Variants in KCNH8 observed in about 807,000 individuals in gnomAD.
KCNH8 encodes the protein voltage-gated delayed rectifier potassium channel KCNH8.
Under a neutral mutation model 103.6 loss-of-function variants are expected in KCNH8, and 70 were observed. The observed-to-expected ratio is 0.68, with a 90% CI of 0.56 to 0.82. The LOEUF is 0.82. KCNH8 is among the 40% of genes least tolerant of loss of function. The pLI, the probability that KCNH8 is intolerant of heterozygous loss-of-function variation, is 0.00. For synonymous variants in KCNH8, 498 were observed against 489.4 expected (o/e 1.02, Z -0.23); for missense variants, 1,217 against 1,329.9 (o/e 0.92, Z 1.32).
At chr3:19,527,792 A>C (rs889667885) in intron 15 of KCNH8, among the ~76,000 whole-genome samples, 1 of 152,072 alleles carries the variant, frequency 6.6e-6, no homozygotes, top group African/African-American at 2.4e-5. Flanking sequence ...GTTTAACAAG[A>C]GCAAATGCGT....
At chr3:19,478,324 G>A (rs2068018739) in intron 11 of KCNH8, among the ~76,000 whole-genome samples, 1 of 151,690 alleles carries the variant, frequency 6.6e-6, no homozygotes, top group Non-Finnish European at 1.5e-5. Context: ...TGGATTGAAT[G>A]GTGGTACTAT....
At chr3:19,368,316 G>A (rs2066041230) in intron 5 of KCNH8, among the ~76,000 whole-genome samples, 1 of 152,050 alleles carries the variant, frequency 6.6e-6, no homozygotes, top group African/African-American at 2.4e-5. Flanking sequence ...AAGTTGTGTA[G>A]TATAATTCCA....
chr3:19,223,987 G>A (rs571429790), intron 1 of KCNH8, among the ~76,000 whole-genome samples: 1 of 152,178 alleles, frequency 6.6e-6, no homozygotes, highest in South Asian at 2.1e-4. Context: ...TATGTACAGA[G>A]GAATAAATAC....
At chr3:19,291,361 G>A (rs2064922718) in intron 3 of KCNH8, among the ~76,000 whole-genome samples, 1 of 152,054 alleles carries the variant, frequency 6.6e-6, no homozygotes, top group African/African-American at 2.4e-5. Context: ...GATCTTTCCT[G>A]CTTTCTCTTG....
intron 6 of KCNH8, 128 bp downstream of exon 6, chr3:19,390,766 G>T: frequency 1.2e-6 from 1 of 826,850 alleles, no homozygotes; most frequent in Non-Finnish European, 1.8e-6. Context: ...ATGCCCTGAT[G>T]CCCAGTGATA....
intron 8 of KCNH8, among the ~76,000 whole-genome samples, chr3:19,444,213 G>A (rs2125177514): frequency 6.6e-6 from 1 of 151,950 alleles, no homozygotes; most frequent in South Asian, 2.1e-4. Flanking sequence ...AAATAGAAGA[G>A]AGTTCAGAAA....
intron 11 of KCNH8, among the ~76,000 whole-genome samples, chr3:19,491,160 T>TACTC (rs1345386789): frequency 4.6e-5 from 7 of 152,146 alleles, no homozygotes; most frequent in Non-Finnish European, 1.0e-4. Context: ...TATATATGTG[T>TACTC]GAGTGTGTGT....
chr3:19,264,554 G>T (rs1484183875), intron 2 of KCNH8, among the ~76,000 whole-genome samples: 1 of 152,058 alleles, frequency 6.6e-6, no homozygotes. Flanking sequence ...TAGAGATCAG[G>T]TCGCAGTGCA....
chr3:19,387,161 A>T (rs754903185), intron 5 of KCNH8, among the ~76,000 whole-genome samples: 4 of 152,140 alleles, frequency 2.6e-5, no homozygotes, highest in African/African-American at 4.8e-5. Context: ...AGAATCAAAG[A>T]CAGTTCATCT....
At chr3:19,188,928 C>G (rs113652230) in intron 1 of KCNH8, among the ~76,000 whole-genome samples, 2 of 151,908 alleles carry the variant, frequency 1.3e-5, no homozygotes, top group Non-Finnish European at 2.9e-5. Flanking sequence ...AGGCGTGCAT[C>G]ACTGCTTCCA....
chr3:19,224,211 A>G (rs1456530709), intron 1 of KCNH8, among the ~76,000 whole-genome samples: 2 of 152,178 alleles, frequency 1.3e-5, no homozygotes, highest in Non-Finnish European at 2.9e-5. Context: ...TTTCTTGAAC[A>G]TTAAATAAAG....
At chr3:19,377,349 A>G (rs1269010945) in intron 5 of KCNH8, among the ~76,000 whole-genome samples, 1 of 152,176 alleles carries the variant, frequency 6.6e-6, no homozygotes, top group African/African-American at 2.4e-5. Context: ...ATTTGTGCAC[A>G]TTTGTTGGAG....
At chr3:19,321,153 T>G (rs2065345301) in intron 3 of KCNH8, among the ~76,000 whole-genome samples, 1 of 152,028 alleles carries the variant, frequency 6.6e-6, no homozygotes, top group Non-Finnish European at 1.5e-5. Flanking sequence ...TTCATTTATT[T>G]TTTGTATTTG....
intron 11 of KCNH8, among the ~76,000 whole-genome samples, chr3:19,476,645 G>C (rs1047927968): frequency 2.0e-5 from 3 of 152,078 alleles, no homozygotes; most frequent in Non-Finnish European, 4.4e-5. Flanking sequence ...CCAAATCATT[G>C]ATTTGGGGCA....
intron 5 of KCNH8, among the ~76,000 whole-genome samples, chr3:19,351,150 A>G (rs1440845185): frequency 1.3e-5 from 2 of 152,126 alleles, no homozygotes; most frequent in African/African-American, 4.8e-5. Context: ...TGAAGATCAG[A>G]TGAATGAAAT....
intron 1 of KCNH8, among the ~76,000 whole-genome samples, chr3:19,233,939 G>A (rs2064026914): frequency 6.6e-6 from 1 of 152,180 alleles, no homozygotes; most frequent in Non-Finnish European, 1.5e-5. Context: ...GAGTGTTAAA[G>A]CTCATAAAGG....
In KCNH8 at chr3:19,520,327, T is replaced by C. The variant is rs144528020; in HGVS notation, c.2619+2253T>C. On this transcript the variant is annotated intron_variant, in intron 15 of 15. Transcript: ENST00000328405. ...GTCCAACTATTCTTTCCCAAAGAAT[T>C]AGGTTTTCCATAAAGGAAAATATCT... Among the ~76,000 whole-genome samples the C allele has an allele frequency of 3.4e-3, 522 of 151,990 alleles. 1 individual carries two copies. The highest frequency in any genetic ancestry group is 5.6e-3 in the Non-Finnish European group (382 of 67,896).
chr3:19,348,531 A>G (rs2065758111), intron 5 of KCNH8, among the ~76,000 whole-genome samples: 1 of 152,070 alleles, frequency 6.6e-6, no homozygotes. Flanking sequence ...AATATTGTGT[A>G]CCTCAGTTGA....
chr3:19,300,992 G>A (rs1169471695), intron 3 of KCNH8, among the ~76,000 whole-genome samples: 1 of 151,372 alleles, frequency 6.6e-6, no homozygotes, highest in African/African-American at 2.4e-5. Context: ...CATGTATTGA[G>A]TGCTTACAAG....
Sources: gnomAD v4.1 joint callset for allele counts (sites outside exome capture counted in the v4.1 genomes callset) on GRCh38, gnomAD v4.1.1 for gene constraint, MANE v1.5 for transcripts, NCBI Gene and HGNC (gene_info 2026-07-23, HGNC 2026-07-21) for gene names.